Variants in ZBTB40 observed in about 807,000 individuals in gnomAD.
The protein encoded by ZBTB40 is zinc finger and BTB domain-containing protein 40.
ZBTB40 carries 60 observed loss-of-function variants against 117.5 expected under a neutral mutation model. The ratio of observed to expected loss-of-function variants is 0.51; its 90% CI spans 0.41 to 0.63. The LOEUF (loss-of-function observed/expected upper bound fraction) is 0.63, where lower values mean the gene tolerates loss of function less well. ZBTB40 is among the 30% of genes least tolerant of loss of function. The pLI is 0.00. For missense variants in ZBTB40, 1,287 were observed against 1,498.5 expected, an observed-to-expected ratio of 0.86 and a Z score of 2.33; for synonymous variants, 525 against 577.1, an observed-to-expected ratio of 0.91 and a Z score of 1.29.
chr1:22,447,158 G>A (rs1478932139), upstream of ZBTB40, among the ~76,000 whole-genome samples: 1 of 151,872 alleles, frequency 6.6e-6, no homozygotes, highest in Admixed American at 6.6e-5. Context: ...TTACACAGGT[G>A]CATATATTTG....
At chr1:22,502,269 C>T (rs1638955606) in intron 4 of ZBTB40, 30 bp from the exon 5 acceptor site, 1 of 1,607,550 alleles carries the variant, frequency 6.2e-7, no homozygotes, top group African/African-American at 1.3e-5. Context: ...ACTAGCTTCT[C>T]TTGTGTGTCT....
At chr1:22,438,497 T>C (rs1400492754) in intron 1 of ZBTB40, among the ~76,000 whole-genome samples, 1 of 152,216 alleles carries the variant, frequency 6.6e-6, no homozygotes, top group Non-Finnish European at 1.5e-5. Context: ...TGTACAAATA[T>C]CTCTTTGAGA....
chr1:22,509,327 G>C (rs1244086186), intron 9 of ZBTB40, 94 bp downstream of exon 9: 18 of 1,565,642 alleles, frequency 1.1e-5, no homozygotes, highest in Non-Finnish European at 1.5e-5. Flanking sequence ...TAGTTGGTTG[G>C]GTTGTTTTTC....
At chr1:22,480,973 A>G (rs1638291987) in intron 1 of ZBTB40, among the ~76,000 whole-genome samples, 1 of 152,140 alleles carries the variant, frequency 6.6e-6, no homozygotes, top group South Asian at 2.1e-4. Flanking sequence ...ACCTGCCTGA[A>G]GCTACATTTG....
In ZBTB40 at chr1:22,526,063, C is replaced by CTTCCCATTAGGCACATG; in HGVS notation, c.3526-137_3526-121dup. On this transcript the variant is annotated intron_variant, in intron 17 of 17. Coordinates refer to ENST00000375647, the MANE Select transcript of ZBTB40 (RefSeq NM_014870.4). ...CATCGCCAGTGGGTTAGACTTGCCT[C>CTTCCCATTAGGCACATG]TTCCCATTAGGCACATGTAAGTGCT... The CTTCCCATTAGGCACATG allele has an allele frequency of 5.1e-6, 5 of 973,444 alleles. No homozygotes were observed. The South Asian group carries it at 7.0e-5, about 14-fold the overall frequency. The allele number at this position is 973,444 out of a possible 1,614,324, so 60.3% of individuals were successfully genotyped here.
chr1:22,496,472 C>G (rs1638778004), intron 3 of ZBTB40, among the ~76,000 whole-genome samples: 1 of 152,116 alleles, frequency 6.6e-6, no homozygotes, highest in Non-Finnish European at 1.5e-5. Context: ...GCTGTAAACC[C>G]ATTCACGTAC....
intron 1 of ZBTB40, among the ~76,000 whole-genome samples, chr1:22,468,600 C>T (rs1405172424): frequency 7.2e-6 from 1 of 138,324 alleles, no homozygotes. Context: ...CTCAGCCTTC[C>T]AACTAGCTGG....
upstream of ZBTB40, among the ~76,000 whole-genome samples, chr1:22,447,878 A>G (rs529057220): frequency 3.3e-5 from 5 of 152,370 alleles, no homozygotes; most frequent in Admixed American, 1.3e-4. Context: ...GAAAAAAGGT[A>G]GTGAAATTCT....
intron 9 of ZBTB40, among the ~76,000 whole-genome samples, chr1:22,510,564 C>T (rs1309647522): frequency 6.6e-6 from 1 of 152,174 alleles, no homozygotes; most frequent in Non-Finnish European, 1.5e-5. Context: ...TCTCAGTGTA[C>T]CGACTCTTTC....
rs59021263 is a variant in ZBTB40 at position 22,431,384 on chromosome 1, G to GTATATATATATATATA, written c.-70+2380_-70+2395dup. ...ATTTTGTGTGTGTGTGTGTGTGTGT[G>GTATATATATATATATA]TATATATATATATATATATATATAT... On this transcript the variant is annotated intron_variant, in intron 1 of 8. Coordinates refer to the ZBTB40 transcript ENST00000650433. Among the ~76,000 whole-genome samples the GTATATATATATATATA allele has an allele frequency of 1.9e-3, 231 of 119,612 alleles. 3 individuals carry two copies. Among genetic ancestry groups the GTATATATATATATATA allele is most frequent in the South Asian group, 4.3e-3 (17 of 3,950 alleles). 78.5% of individuals were successfully genotyped at this position (119,612 alleles called of 152,430 possible).
At chr1:22,512,163 G>A (rs757131945) in intron 11 of ZBTB40, 29 bp downstream of exon 11, 2 of 1,611,242 alleles carry the variant, frequency 1.2e-6, no homozygotes, top group African/African-American at 1.3e-5. Context: ...AGGAACAGAG[G>A]ATGATAATTG....
chr1:22,486,492 CGCT>C (rs1638470623), intron 1 of ZBTB40, among the ~76,000 whole-genome samples: 1 of 152,190 alleles, frequency 6.6e-6, no homozygotes, highest in African/African-American at 2.4e-5. Flanking sequence ...TTCCCTCTCC[CGCT>C]GCTGGAAGCA....
chr1:22,508,077 C>A lies in ZBTB40; in HGVS notation c.1437C>A (p.Asp479Glu). 1 of 1,614,062 alleles carries A rather than the reference C, an allele frequency of 6.2e-7. No individual in the cohort carries two copies. The highest frequency in any genetic ancestry group is 1.7e-5 in the Admixed American group (1 of 60,016). Residue 479 changes from aspartate to glutamate, a missense_variant, in exon 7 of 18, where the codon GAC becomes GAA. By Grantham distance (45) the Asp-to-Glu change is conservative (BLOSUM62 2). Around this residue, in one of 2 missense-constraint regions of ZBTB40, gnomAD observed 870 missense variants for 934.4 expected, o/e 0.93. Transcript: ENST00000375647. ...YHENLSEIFT[D>E]NQILLKMISH... ...AAAACCTCTCTGAGATTTTCACAGA[C>A]AACCAGATTTTATTAAAGATGATCT...
upstream of ZBTB40, among the ~76,000 whole-genome samples, chr1:22,448,834 A>G (rs1217931229): frequency 6.7e-6 from 1 of 150,344 alleles, no homozygotes; most frequent in African/African-American, 2.5e-5. Flanking sequence ...TTTTTTTTTG[A>G]GACAGTCTTG....
intron 1 of ZBTB40, among the ~76,000 whole-genome samples, chr1:22,474,564 G>A (rs937590561): frequency 6.6e-6 from 1 of 152,104 alleles, no homozygotes; most frequent in African/African-American, 2.4e-5. Context: ...TCATCTTTTT[G>A]TGTGTAGCAA....
At chr1:22,476,373 T>A (rs1404681574) in intron 1 of ZBTB40, among the ~76,000 whole-genome samples, 3 of 152,064 alleles carry the variant, frequency 2.0e-5, no homozygotes, top group Non-Finnish European at 4.4e-5. Flanking sequence ...CACATGCCAC[T>A]ACACCTGGCT....
At chr1:22,482,390 C>T (rs1264358433) in intron 1 of ZBTB40, among the ~76,000 whole-genome samples, 6 of 152,170 alleles carry the variant, frequency 3.9e-5, no homozygotes, top group Non-Finnish European at 8.8e-5. Flanking sequence ...GCAGATCCCT[C>T]CCCACTCCCA....
rs908134061 is a variant in ZBTB40, at chr1:22,524,256, T to G, written c.3337T>G (p.Phe1113Val). The G allele has an allele frequency of 2.5e-6, 4 of 1,614,072 alleles. No homozygotes were observed. Among genetic ancestry groups the G allele is most frequent in the Middle Eastern group, 1.6e-4 (1 of 6,084 alleles). Residue 1113 changes from phenylalanine (F) to valine (V), a missense_variant, in exon 17 of 18, where the codon TTC (phenylalanine) becomes GTC (valine). By Grantham distance (50) the Phe-to-Val change is conservative (BLOSUM62 -1). Coordinates refer to ENST00000375647, the MANE Select transcript of ZBTB40 (RefSeq NM_014870.4). ...PFRCLYCAAT[F>V]RFPGALQHHV... is the part of the protein sequence containing the mutation. ...CCGGTGCTTGTACTGTGCTGCTACTTTCCGTTTTCCTGGAGCATTGCAGCA... is the reference window on the plus strand; with the variant it reads ...CCGGTGCTTGTACTGTGCTGCTACTGTCCGTTTTCCTGGAGCATTGCAGCA...
intron 3 of ZBTB40, among the ~76,000 whole-genome samples, chr1:22,493,892 A>G (rs1225340972): frequency 1.3e-5 from 2 of 149,388 alleles, no homozygotes; most frequent in South Asian, 2.1e-4. Context: ...AGTTGTATGC[A>G]TTGTGTGGAT....
Sources: gnomAD v4.1 joint callset for allele counts (sites outside exome capture counted in the v4.1 genomes callset) on GRCh38, gnomAD v4.1.1 for gene constraint, gnomAD v4.1.1 regional missense constraint, MANE v1.5 for transcripts, NCBI Gene and HGNC (gene_info 2026-07-23, HGNC 2026-07-21) for gene names.